Variants in TRPC7 observed in about 807,000 individuals in gnomAD.
TRPC7 encodes short transient receptor potential channel 7.
A neutral mutation model predicts 90.1 loss-of-function variants in TRPC7; 42 were observed. That is an observed-to-expected ratio of 0.47 (90% confidence interval 0.36 to 0.60). The LOEUF is 0.60. Ranked by LOEUF, TRPC7 falls within the 20% of genes least tolerant of loss-of-function variation. The pLI is 0.00. For synonymous variants in TRPC7, 451 were observed against 436.3 expected (o/e 1.03, Z -0.42); for missense variants, 955 against 1,112.3 (o/e 0.86, Z 2.01).
chr5:136,362,285 C>G (rs117036879), intron 1 of TRPC7, among the ~76,000 whole-genome samples: 1 of 152,032 alleles, frequency 6.6e-6, no homozygotes, highest in Admixed American at 6.6e-5. Context: ...TGCCAGCCAC[C>G]ATGCTGAGTA....
At chr5:136,216,535 C>A (rs114016418) in intron 10 of TRPC7, among the ~76,000 whole-genome samples, 156 of 152,244 alleles carry the variant, frequency 1.0e-3, no homozygotes, top group African/African-American at 3.7e-3. Context: ...GAAGCTGAGC[C>A]AAGCAGAGAG....
intron 3 of TRPC7, among the ~76,000 whole-genome samples, chr5:136,308,239 T>C (rs767033289): frequency 1.3e-5 from 2 of 152,244 alleles, no homozygotes; most frequent in Non-Finnish European, 2.9e-5. Flanking sequence ...GCCAGGAGAT[T>C]AATGGATATT....
At chr5:136,294,617 A>T (rs75008233) in intron 3 of TRPC7, among the ~76,000 whole-genome samples, 1 of 151,762 alleles carries the variant, frequency 6.6e-6, no homozygotes, top group Non-Finnish European at 1.5e-5. Context: ...TTAGAATGGC[A>T]ATCATTAAAA....
chr5:136,258,763 C>T (rs1465893274), intron 5 of TRPC7, among the ~76,000 whole-genome samples: 2 of 152,232 alleles, frequency 1.3e-5, no homozygotes, highest in Non-Finnish European at 2.9e-5. Context: ...CCTTCAAAGT[C>T]CTGTGAGACT....
intron 8 of TRPC7, among the ~76,000 whole-genome samples, chr5:136,228,436 C>CTTTTTT (rs55851435): frequency 7.1e-5 from 10 of 140,596 alleles, no homozygotes; most frequent in African/African-American, 2.6e-4. Flanking sequence ...TTTATAGTTC[C>CTTTTTT]TTTTTTTTTT....
chr5:136,308,635 C>T (rs1758726504), intron 3 of TRPC7, among the ~76,000 whole-genome samples: 1 of 152,186 alleles, frequency 6.6e-6, no homozygotes, highest in Admixed American at 6.5e-5. Context: ...CAGCAGAGGG[C>T]ATCTGCCCTC....
intron 2 of TRPC7, among the ~76,000 whole-genome samples, chr5:136,321,839 G>C (rs1759208994): frequency 1.3e-5 from 2 of 152,036 alleles, no homozygotes; most frequent in African/African-American, 4.8e-5. Flanking sequence ...CCCTCAGCTT[G>C]ATCACTTTGA....
intron 3 of TRPC7, among the ~76,000 whole-genome samples, chr5:136,305,641 CG>C (rs1367663883): frequency 6.6e-5 from 10 of 152,170 alleles, no homozygotes; most frequent in Non-Finnish European, 1.3e-4. Flanking sequence ...GAGAAGGCCA[CG>C]GCAGTCATTT....
rs1233292309 is a variant in TRPC7, at chr5:136,315,728, G to A, written c.832C>T (p.Leu278=). The A allele has an allele frequency of 6.2e-7, 1 of 1,614,060 alleles. No homozygotes were observed. The highest frequency in any genetic ancestry group is 2.2e-5 in the East Asian group (1 of 44,876). The change falls in exon 3 of 12, where the codon CTG becomes TTG. Residue 278 remains leucine (L), a synonymous_variant. Coordinates refer to ENST00000513104, the MANE Select transcript of TRPC7 (RefSeq NM_020389.3). ...MQCKDFVVGV[L]DLCRDTEEVE... is the part of the protein sequence containing the mutation. ...TCTTCTGTGTCTCGGCACAGGTCCA[G>A]CACGCCCACTACAAAATCCTTGCAT...
At chr5:136,306,267 T>G (rs771192236) in intron 3 of TRPC7, among the ~76,000 whole-genome samples, 1 of 152,224 alleles carries the variant, frequency 6.6e-6, no homozygotes, top group Non-Finnish European at 1.5e-5. Context: ...TAGGTCCTCC[T>G]AATTCTTAGA....
intron 2 of TRPC7, among the ~76,000 whole-genome samples, chr5:136,347,928 A>G (rs1258066912): frequency 2.6e-5 from 4 of 152,244 alleles, no homozygotes; most frequent in African/African-American, 9.6e-5. Context: ...GGAAGCAGCC[A>G]GGAGCCAGTC....
At chr5:136,339,253 A>G (rs1270766391) in intron 2 of TRPC7, among the ~76,000 whole-genome samples, 2 of 152,194 alleles carry the variant, frequency 1.3e-5, no homozygotes, top group Non-Finnish European at 2.9e-5. Flanking sequence ...GTTTAACTTT[A>G]AAACAAGATG....
Position 136,213,603 on chromosome 5 carries a change from G to T in TRPC7, c.2421C>A (p.Gly807=). 2 of 1,613,856 alleles carry T rather than the reference G, an allele frequency of 1.2e-6. No individual in the cohort carries two copies. Among genetic ancestry groups the T allele is most frequent in the Non-Finnish European group, 1.7e-6 (2 of 1,179,866 alleles). Residue 807 remains glycine (G), a splice_region_variant and synonymous_variant, in exon 12 of 12, where the codon GGC becomes GGA. Coordinates refer to ENST00000513104, the MANE Select transcript of TRPC7 (RefSeq NM_020389.3). The stretch of plus-strand genomic sequence containing the variant: ...TATCTTGCTTGATTTCCTTCAGCTC[G>T]CCTGCAAGGACAGAGGAGATTTTGC... ...VDRENDEVNE[G]ELKEIKQDIS... is the part of the protein sequence containing the mutation.
At chr5:136,298,282 C>T (rs150713065) in intron 3 of TRPC7, among the ~76,000 whole-genome samples, 39 of 152,250 alleles carry the variant, frequency 2.6e-4, no homozygotes, top group South Asian at 1.0e-3. Flanking sequence ...TCAGTAACTT[C>T]CCTGGGCGGG....
rs762930386 is a variant in TRPC7 at position 136,213,429 on chromosome 5, G to A, written c.*6C>T. 2 of 1,613,590 alleles carry A rather than the reference G, an allele frequency of 1.2e-6. No individual in the cohort carries two copies. Among genetic ancestry groups the A allele is most frequent in the Non-Finnish European group, 1.7e-6 (2 of 1,179,750 alleles). On this transcript the variant is annotated 3_prime_UTR_variant, in exon 12 of 12. Coordinates refer to ENST00000513104, the MANE Select transcript of TRPC7 (RefSeq NM_020389.3). The stretch of plus-strand genomic sequence containing the variant: ...TGGTAGAAGTCACAGACGCCGATGT[G>A]GGCTGCTAAATGTCTTTGCCCTTGT...
At chr5:136,257,337 C>A (rs977236189) in intron 5 of TRPC7, among the ~76,000 whole-genome samples, 16 of 152,092 alleles carry the variant, frequency 1.1e-4, no homozygotes, top group African/African-American at 3.1e-4. Context: ...CACACGCCAC[C>A]ACACCTGGCT....
At chr5:136,286,493 C>T (rs1388624244) in intron 3 of TRPC7, among the ~76,000 whole-genome samples, 2 of 152,156 alleles carry the variant, frequency 1.3e-5, no homozygotes, top group African/African-American at 4.8e-5. Flanking sequence ...AAAATATCCA[C>T]GTGCAGGGAG....
intron 2 of TRPC7, among the ~76,000 whole-genome samples, chr5:136,339,179 G>A (rs960655397): frequency 1.3e-5 from 2 of 152,314 alleles, no homozygotes; most frequent in South Asian, 4.1e-4. Context: ...TAACCTCACA[G>A]GCTGGCTGTT....
At chr5:136,222,771 C>T (rs1300181957) in intron 10 of TRPC7, among the ~76,000 whole-genome samples, 4 of 152,178 alleles carry the variant, frequency 2.6e-5, no homozygotes, top group Admixed American at 6.5e-5. Context: ...GGCAGCATGA[C>T]GTGGTGAGAG....
Sources: gnomAD v4.1 joint callset for allele counts (sites outside exome capture counted in the v4.1 genomes callset) on GRCh38, gnomAD v4.1.1 for gene constraint, MANE v1.5 for transcripts, NCBI Gene and HGNC (gene_info 2026-07-23, HGNC 2026-07-21) for gene names.